GALNT17: variants seen among roughly 807,000 people sequenced by gnomAD.
The protein encoded by GALNT17 is UDP-GalNAc:polypeptide N-acetylgalactosaminyltransferase-like 3.
In GALNT17, 29 loss-of-function variants were observed where a neutral mutation model predicts 63.7. That is an observed-to-expected ratio of 0.46 (90% CI 0.34 to 0.62). GALNT17 has a LOEUF of 0.62. Ranked by LOEUF, GALNT17 falls within the 20% of genes least tolerant of loss-of-function variation. The pLI is 0.01. For synonymous variants in GALNT17, 305 were observed against 318.3 expected (o/e 0.96, Z 0.45); for missense variants, 603 against 799.6 (o/e 0.75, Z 2.97).
At chr7:71,418,980 C>T (rs937360244) in intron 4 of GALNT17, among the ~76,000 whole-genome samples, 9 of 152,120 alleles carry the variant, frequency 5.9e-5, no homozygotes, top group African/African-American at 2.2e-4. Context: ...ACTCAGGAGG[C>T]TGAGGCAGGA....
intron 9 of GALNT17, among the ~76,000 whole-genome samples, chr7:71,688,249 C>G (rs1158721979): frequency 6.6e-6 from 1 of 152,202 alleles, no homozygotes; most frequent in Non-Finnish European, 1.5e-5. Context: ...ATATTAACAG[C>G]CTTTTTTGTT....
At chr7:71,399,961 CTT>C (rs1337078603) in intron 3 of GALNT17, among the ~76,000 whole-genome samples, 1 of 152,048 alleles carries the variant, frequency 6.6e-6, no homozygotes, top group Non-Finnish European at 1.5e-5. Context: ...GAGTATTTAT[CTT>C]TGTCTTATTG....
At chr7:71,580,672 A>G (rs1789623346) in intron 6 of GALNT17, among the ~76,000 whole-genome samples, 1 of 152,144 alleles carries the variant, frequency 6.6e-6, no homozygotes, top group African/African-American at 2.4e-5. Context: ...GGAAGAGACA[A>G]GGCCTGGAGA....
At chr7:71,610,443 G>T (rs904827372) in intron 6 of GALNT17, among the ~76,000 whole-genome samples, 3 of 152,170 alleles carry the variant, frequency 2.0e-5, no homozygotes, top group Non-Finnish European at 2.9e-5. Flanking sequence ...TCATACTACT[G>T]CACTCCAGCC....
At chr7:71,710,440 G>A (rs773152259) in intron 9 of GALNT17, among the ~76,000 whole-genome samples, 9 of 152,166 alleles carry the variant, frequency 5.9e-5, no homozygotes, top group Non-Finnish European at 1.0e-4. Context: ...CCTGGGAAGC[G>A]GAGGTTGCAG....
At chr7:71,253,470 A>G (rs886104426) in intron 1 of GALNT17, among the ~76,000 whole-genome samples, 54 of 151,584 alleles carry the variant, frequency 3.6e-4, no homozygotes, top group South Asian at 2.1e-4. Context: ...AGAATTCACA[A>G]TGAGATTTGG....
chr7:71,374,529 C>G (rs1792684857), intron 2 of GALNT17, among the ~76,000 whole-genome samples: 1 of 152,216 alleles, frequency 6.6e-6, no homozygotes. Context: ...AGCTCTTCAC[C>G]TGGTCAAAGC....
intron 2 of GALNT17, among the ~76,000 whole-genome samples, chr7:71,368,126 C>T (rs990488191): frequency 2.0e-5 from 3 of 152,208 alleles, no homozygotes; most frequent in South Asian, 2.1e-4. Flanking sequence ...GGGAAGAGAG[C>T]GTGCACACAC....
At chr7:71,215,026 G>T (rs1789451978) in intron 1 of GALNT17, among the ~76,000 whole-genome samples, 2 of 152,126 alleles carry the variant, frequency 1.3e-5, no homozygotes, top group African/African-American at 4.8e-5. Context: ...ATTCTGTTTT[G>T]GACTGCATTT....
At chr7:71,323,882 C>T (rs76361230) in intron 1 of GALNT17, among the ~76,000 whole-genome samples, 2,160 of 152,286 alleles carry the variant, frequency 0.014, 26 homozygotes, top group Middle Eastern at 0.027. Flanking sequence ...CCAGTGCTCA[C>T]GCAAGTGAGC....
intron 9 of GALNT17, among the ~76,000 whole-genome samples, chr7:71,689,390 C>T (rs562444634): frequency 9.2e-5 from 14 of 152,154 alleles, no homozygotes; most frequent in Admixed American, 4.6e-4. Flanking sequence ...AGTGAACACA[C>T]GAATGCTAAG....
At chr7:71,420,767 G>A (rs1022912005) in intron 4 of GALNT17, 141 bp from the exon 5 acceptor site, 2 of 969,282 alleles carry the variant, frequency 2.1e-6, no homozygotes, top group East Asian at 2.4e-5. Context: ...GCAGGTCCCT[G>A]GGAGCCTCAG....
intron 1 of GALNT17, among the ~76,000 whole-genome samples, chr7:71,303,057 G>T (rs569547004): frequency 6.6e-6 from 1 of 152,066 alleles, no homozygotes; most frequent in South Asian, 2.1e-4. Context: ...TAGAGACAGG[G>T]TTTCACCACG....
At chr7:71,290,525 T>G (rs1280038016) in intron 1 of GALNT17, among the ~76,000 whole-genome samples, 1 of 152,090 alleles carries the variant, frequency 6.6e-6, no homozygotes, top group Non-Finnish European at 1.5e-5. Flanking sequence ...GCTTTCTTAG[T>G]CCCTGTTGAG....
chr7:71,181,676 C>G (rs1462985381), intron 1 of GALNT17, among the ~76,000 whole-genome samples: 2 of 150,316 alleles, frequency 1.3e-5, no homozygotes, highest in Non-Finnish European at 3.0e-5. Flanking sequence ...AAAACCAGCC[C>G]TAGGTAACTT....
At chr7:71,483,840 A>G (rs1315456316) in intron 5 of GALNT17, among the ~76,000 whole-genome samples, 2 of 152,134 alleles carry the variant, frequency 1.3e-5, no homozygotes, top group Admixed American at 6.6e-5. Flanking sequence ...CTTTCTTTAT[A>G]GCTTTAATCT....
intron 2 of GALNT17, among the ~76,000 whole-genome samples, chr7:71,347,433 A>G (rs1583878867): frequency 6.6e-6 from 1 of 152,124 alleles, no homozygotes; most frequent in Non-Finnish European, 1.5e-5. Context: ...TAATATACCT[A>G]TACATTTCAC....
intron 2 of GALNT17, among the ~76,000 whole-genome samples, chr7:71,385,050 G>T (rs1792915562): frequency 6.6e-6 from 1 of 152,192 alleles, no homozygotes; most frequent in African/African-American, 2.4e-5. Context: ...GTGGGGCAGT[G>T]CATGGTGATT....
chr7:71,144,432 A>G (rs1487114052), intron 1 of GALNT17, among the ~76,000 whole-genome samples: 3 of 152,182 alleles, frequency 2.0e-5, no homozygotes, highest in Non-Finnish European at 2.9e-5. Flanking sequence ...GGCTGTTCAC[A>G]TCCATTAGTG....
Sources: allele counts gnomAD v4.1 joint callset (sites outside exome capture counted in the v4.1 genomes callset), GRCh38; gene constraint gnomAD v4.1.1; transcripts MANE v1.5; gene names NCBI Gene and HGNC (gene_info 2026-07-23, HGNC 2026-07-21).